The following ACTN4 variants were observed in gnomAD, a reference collection of about 807,000 sequenced individuals.
ACTN4 encodes alpha-actinin-4.
A neutral mutation model predicts 114.2 loss-of-function variants in ACTN4; 18 were observed. The ratio of observed to expected loss-of-function variants is 0.16; its 90% CI spans 0.11 to 0.23. ACTN4 has a LOEUF of 0.23. Among genes scored for constraint, ACTN4 ranks in the 10% least tolerant of loss-of-function variants. ACTN4 has a pLI of 1.00. For missense variants in ACTN4, 722 were observed against 1,262.9 expected (o/e 0.57, Z 6.49); for synonymous variants, 515 against 506.3 (o/e 1.02, Z -0.23).
intron 1 of ACTN4, among the ~76,000 whole-genome samples, chr19:38,650,411 G>A (rs1976526682): frequency 6.6e-6 from 1 of 152,162 alleles, no homozygotes. Flanking sequence ...GCTGCCATGT[G>A]TCATTCTCTT....
intron 1 of ACTN4, among the ~76,000 whole-genome samples, chr19:38,673,567 T>TTATATAAATA (rs1445583777): frequency 2.1e-5 from 2 of 94,142 alleles, no homozygotes; most frequent in South Asian, 2.9e-4. Flanking sequence ...TTATATATAT[T>TTATATAAATA]TATATATATT....
chr19:38,697,649 T>C (rs1039686638), intron 1 of ACTN4, among the ~76,000 whole-genome samples: 2 of 152,128 alleles, frequency 1.3e-5, no homozygotes, highest in African/African-American at 4.8e-5. Flanking sequence ...CTGTGAGGGG[T>C]GCTGTTTGCA....
At chr19:38,693,480 C>G (rs1057414706) in intron 1 of ACTN4, 1 of 152,246 alleles carries the variant, frequency 6.6e-6, no homozygotes, top group African/African-American at 2.4e-5. Context: ...CCACCAAGGC[C>G]CTTTCTTCCC....
At chr19:38,664,539 C>T (rs1021940784) in intron 1 of ACTN4, among the ~76,000 whole-genome samples, 2 of 152,148 alleles carry the variant, frequency 1.3e-5, no homozygotes, top group African/African-American at 4.8e-5. Flanking sequence ...TCCAGGAGAA[C>T]TCCAGCCTCC....
rs1273669376 is a variant in ACTN4 at position 38,727,629 on chromosome 19, C to CG, written c.2338-317_2338-316insG. ...TCCAAATCCCAAAGGCAAGGAGAAC[C>CG]CCCCCCCCGACCCTCCACCAGTCCT... On this transcript the variant is annotated intron_variant, in intron 18 of 20. Coordinates refer to ENST00000252699, the MANE Select transcript of ACTN4 (RefSeq NM_004924.6). This position sits in a 1 kb window ranked among gnomAD's most constrained non-coding sequence, Gnocchi z 5.4. Among the ~76,000 whole-genome samples the CG allele has an allele frequency of 7.4e-6, 1 of 134,458 alleles. No homozygotes were observed. The highest frequency in any genetic ancestry group is 1.6e-5 in the Non-Finnish European group (1 of 61,662). 88.2% of individuals were successfully genotyped at this position (134,458 alleles called of 152,430 possible). A position where few individuals can be genotyped will look rare whatever the true frequency, so the allele number is the denominator to read the frequency against.
intron 16 of ACTN4, among the ~76,000 whole-genome samples, chr19:38,725,265 C>T (rs1969192817): frequency 6.6e-6 from 1 of 152,138 alleles, no homozygotes; most frequent in Non-Finnish European, 1.5e-5. Flanking sequence ...GCAGGTCAGC[C>T]CTGAGGTTCA....
At chr19:38,672,145 A>C (rs1410617496) in intron 1 of ACTN4, among the ~76,000 whole-genome samples, 1 of 152,026 alleles carries the variant, frequency 6.6e-6, no homozygotes. Context: ...CACCTAAGGT[A>C]CATTAGGGTA....
intron 1 of ACTN4, among the ~76,000 whole-genome samples, chr19:38,688,869 T>C (rs1205201046): frequency 2.0e-5 from 3 of 152,188 alleles, no homozygotes. Flanking sequence ...TGTAATGTGG[T>C]GCAGCTTCTT....
chr19:38,725,657 C>T, intron 16 of ACTN4, 67 bp from the exon 17 acceptor site: 1 of 1,565,532 alleles, frequency 6.4e-7, no homozygotes, highest in Non-Finnish European at 8.7e-7. Flanking sequence ...CGCGAGTGGG[C>T]TCCTCCAGGT....
intron 9 of ACTN4, 80 bp downstream of exon 9, chr19:38,714,641 C>A: frequency 2.8e-6 from 4 of 1,431,844 alleles, no homozygotes; most frequent in Non-Finnish European, 3.9e-6. Flanking sequence ...AGGGGGAAAG[C>A]AGGTGTGGCA....
In ACTN4 at chr19:38,648,079, T is replaced by C. The variant is rs935643157; in HGVS notation, c.162+172T>C. On this transcript the variant is annotated intron_variant, in intron 1 of 20. Coordinates refer to ENST00000252699, the MANE Select transcript of ACTN4 (RefSeq NM_004924.6). The stretch of plus-strand genomic sequence containing the variant: ...GAGTCCTGAGGAGGAATCGCCGAGC[T>C]AGAGGAAGGAATTGGGAATCTGAAA... 1.8e-5 allele frequency: 13 copies of C among 709,522 alleles called. No homozygotes were observed. In the African/African-American group the frequency reaches 2.1e-4, roughly 11 times the overall value. 44.0% of individuals were successfully genotyped at this position (709,522 alleles called of 1,614,324 possible).
chr19:38,728,458 C>T, intron 19 of ACTN4: 1 of 1,005,196 alleles, frequency 9.9e-7, no homozygotes, highest in Non-Finnish European at 1.3e-6. Flanking sequence ...TCCCCCCCAC[C>T]TCTCCCCCTC....
intron 1 of ACTN4, among the ~76,000 whole-genome samples, chr19:38,668,566 G>A (rs1382843003): frequency 6.6e-6 from 1 of 152,140 alleles, no homozygotes; most frequent in Non-Finnish European, 1.5e-5. Flanking sequence ...CGCGCCTGTA[G>A]TCCCAGCTAC....
chr19:38,693,577 A>G (rs1967999165), intron 1 of ACTN4: 1 of 152,136 alleles, frequency 6.6e-6, no homozygotes, highest in Non-Finnish European at 1.5e-5. Context: ...GCCCCAGAGT[A>G]GAGAGGGCTT....
At chr19:38,720,474 C>G (rs564470443) in intron 11 of ACTN4, among the ~76,000 whole-genome samples, 2 of 152,374 alleles carry the variant, frequency 1.3e-5, no homozygotes, top group African/African-American at 4.8e-5. Flanking sequence ...CCTCCTGCCC[C>G]AGGGCTGCGC....
In ACTN4 at chr19:38,724,594, G is replaced by A; in HGVS notation, c.2010+29G>A. 6.2e-7 allele frequency: 1 copy of A among 1,612,704 alleles called. No individual in the cohort carries two copies. Among genetic ancestry groups the A allele is most frequent in the Non-Finnish European group, 8.5e-7 (1 of 1,179,874 alleles). ...AGGCACGGCTGAGCCCCACAGAGCT[G>A]AGAAGGTTCCAAGAGAGCTCCCGTA... On this transcript the variant is annotated intron_variant, in intron 16 of 20. Coordinates refer to ENST00000252699, the MANE Select transcript of ACTN4 (RefSeq NM_004924.6). This position sits in a 1 kb window ranked among gnomAD's most constrained non-coding sequence, Gnocchi z 7.0.
At chr19:38,721,468 G>A in intron 11 of ACTN4, 70 bp from the exon 12 acceptor site, 1 of 1,578,440 alleles carries the variant, frequency 6.3e-7, no homozygotes, top group East Asian at 2.2e-5. Flanking sequence ...CCCTCTGCTT[G>A]GACAGCCCCT....
intron 1 of ACTN4, among the ~76,000 whole-genome samples, chr19:38,649,482 C>T (rs896566790): frequency 6.6e-6 from 1 of 152,072 alleles, no homozygotes; most frequent in African/African-American, 2.4e-5. Flanking sequence ...TACTGATTCG[C>T]TCTGTGGCCT....
chr19:38,718,802 C>A (rs544968656), intron 11 of ACTN4, among the ~76,000 whole-genome samples: 6 of 152,346 alleles, frequency 3.9e-5, no homozygotes, highest in Non-Finnish European at 5.9e-5. Context: ...TGTTCAGAGT[C>A]GGCTTCCCTC....
Sources: gnomAD v4.1 joint callset for allele counts (sites outside exome capture counted in the v4.1 genomes callset) on GRCh38, gnomAD v4.1.1 for gene constraint, Gnocchi (gnomAD v3.1) non-coding constraint, MANE v1.5 for transcripts, NCBI Gene and HGNC (gene_info 2026-07-23, HGNC 2026-07-21) for gene names.